The following PDE6D variants were observed in gnomAD, a reference collection of about 807,000 sequenced individuals.
PDE6D encodes retinal rod rhodopsin-sensitive cGMP 3',5'-cyclic phosphodiesterase subunit delta.
PDE6D carries 10 observed loss-of-function variants against 21.9 expected under a neutral mutation model. That is an observed-to-expected ratio of 0.46 (90% CI 0.28 to 0.78). The LOEUF is 0.78. Among genes scored for constraint, PDE6D ranks in the 30% least tolerant of loss-of-function variants. PDE6D has a pLI of 0.12. For synonymous variants in PDE6D, 59 were observed against 63.5 expected (o/e 0.93, Z 0.34); for missense variants, 139 against 184.8 (o/e 0.75, Z 1.44).
intron 1 of PDE6D, among the ~76,000 whole-genome samples, chr2:231,780,685 G>GCGC (rs2049107622): frequency 6.6e-6 from 1 of 151,966 alleles, no homozygotes; most frequent in Admixed American, 6.5e-5. Flanking sequence ...TCAGCCCACC[G>GCGC]CGCCCCCTCA....
chr2:231,732,593 C>A lies in PDE6D; in HGVS notation c.*359G>T. On this transcript the variant is annotated 3_prime_UTR_variant, in exon 5 of 5. Transcript: ENST00000287600. ...ACGGAATTTTTCCAAAACCAGGGGCCAAAGGTAGATGTGTAGCCTGTAGGG... is the reference window on the plus strand; with the variant it reads ...ACGGAATTTTTCCAAAACCAGGGGCAAAAGGTAGATGTGTAGCCTGTAGGG... 1 of 170,846 alleles carries A rather than the reference C, an allele frequency of 5.9e-6. No homozygotes were observed. The highest frequency in any genetic ancestry group is 1.2e-5 in the Non-Finnish European group (1 of 81,144). The allele number at this position is 170,846 out of a possible 1,614,324, so 10.6% of individuals were successfully genotyped here.
In PDE6D at chr2:231,732,958, A is replaced by G. The variant is rs200295638; in HGVS notation, c.447T>C (p.Tyr149=). ...ATGTACACACATTCTTCTTTCAAAC[A>G]TAGAAAAGTCTCACTCTGGATGTGC... is the stretch of plus-strand genomic sequence containing the variant. ...LVSTSRVRLF[Y]V Residue 149 remains tyrosine, a synonymous_variant, in exon 5 of 5, where the codon TAT becomes TAC. Transcript: ENST00000287600. 2 of 1,606,340 alleles carry G rather than the reference A, an allele frequency of 1.2e-6. No homozygotes were observed.
At chr2:231,734,746 C>T (rs571837569) in intron 4 of PDE6D, among the ~76,000 whole-genome samples, 1 of 148,820 alleles carries the variant, frequency 6.7e-6, no homozygotes, top group African/African-American at 2.5e-5. Context: ...ACTCAGGAGG[C>T]TGAGGCAGGA....
intron 1 of PDE6D, among the ~76,000 whole-genome samples, chr2:231,748,079 C>CA (rs2048808968): frequency 6.6e-6 from 1 of 151,982 alleles, no homozygotes; most frequent in Non-Finnish European, 1.5e-5. Flanking sequence ...AAATTGGTAC[C>CA]AGTAGATTGG....
At position 231,781,274 on chromosome 2, in the gene PDE6D, G is replaced by T; in HGVS notation, c.-160C>A. On this transcript the variant is annotated 5_prime_UTR_variant, in exon 1 of 5. Transcript: ENST00000287600. The stretch of plus-strand genomic sequence containing the variant: ...CGGCCTCTCTCTCCCCTCAGCTCCC[G>T]CTTCTGATCCCTTCTCCTTCCCCCT... 1.6e-6 allele frequency: 1 copy of T among 638,264 alleles called. No individual in the cohort carries two copies. The highest frequency in any genetic ancestry group is 2.8e-6 in the Non-Finnish European group (1 of 359,542). The allele number at this position is 638,264 out of a possible 1,614,324, so 39.5% of individuals were successfully genotyped here. A position where few individuals can be genotyped will look rare whatever the true frequency, so the allele number is the denominator to read the frequency against.
rs1178913182 is a variant in PDE6D, at chr2:231,742,286, T to A, written c.51-3098A>T. Among the ~76,000 whole-genome samples, 5 of 152,160 alleles carry A rather than the reference T, an allele frequency of 3.3e-5. No individual in the cohort carries two copies. In the East Asian group the frequency reaches 7.7e-4, roughly 23 times the overall value. ...ACAGGCATGCACCACCATGCCCGGC[T>A]AATTTTTGTATTTTTAACTGGAGAT... On this transcript the variant is annotated intron_variant, in intron 1 of 4. Coordinates refer to ENST00000287600, the MANE Select transcript of PDE6D (RefSeq NM_002601.4).
In PDE6D at chr2:231,739,781, G is replaced by A. The variant is rs1001600585; in HGVS notation, c.51-593C>T. 3.9e-5 allele frequency among the ~76,000 whole-genome samples: 6 copies of A among 151,996 alleles called. No individual in the cohort carries two copies. The highest frequency in any genetic ancestry group is 1.2e-4 in the African/African-American group (5 of 41,370). ...TGAGTAGCTGGAATTATAGGAGCAC[G>A]TCACCAAGCCCAGCTTATTTTTGTA... On this transcript the variant is annotated intron_variant, in intron 1 of 4. Coordinates refer to ENST00000287600, the MANE Select transcript of PDE6D (RefSeq NM_002601.4). This position sits in a 1 kb window ranked among gnomAD's most constrained non-coding sequence, Gnocchi z 4.2.
At chr2:231,779,194 C>G (rs2049081646) in intron 1 of PDE6D, 1 of 152,228 alleles carries the variant, frequency 6.6e-6, no homozygotes, top group Non-Finnish European at 1.5e-5. Flanking sequence ...AGGATTTAAT[C>G]AGCTCAGGTC....
At position 231,750,660 on chromosome 2, in the gene PDE6D, A is replaced by ATTT. The variant is rs561604556; in HGVS notation, c.51-11475_51-11473dup. 7.8e-4 allele frequency among the ~76,000 whole-genome samples: 72 copies of ATTT among 92,084 alleles called. 7 individuals are homozygous for ATTT. The highest frequency in any genetic ancestry group is 3.0e-3 in the African/African-American group (48 of 15,832). The allele number at this position is 92,084 out of a possible 152,430, so 60.4% of individuals were successfully genotyped here. On this transcript the variant is annotated intron_variant, in intron 1 of 4. Transcript: ENST00000287600. ...AGGTGTGTGCCACCATGCTCATCTA[A>ATTT]TTTTTTTTTTTTTTTTTTTTTTTTT...
intron 1 of PDE6D, among the ~76,000 whole-genome samples, chr2:231,774,076 G>T (rs958813800): frequency 7.2e-5 from 11 of 151,976 alleles, no homozygotes; most frequent in African/African-American, 2.4e-4. Context: ...TGGGATTACA[G>T]GTGCACACCA....
intron 1 of PDE6D, among the ~76,000 whole-genome samples, chr2:231,758,544 C>T (rs1040581870): frequency 6.6e-6 from 1 of 152,142 alleles, no homozygotes; most frequent in African/African-American, 2.4e-5. Flanking sequence ...ACTTGGGGAA[C>T]TTCTAAAACT....
At chr2:231,765,000 C>T (rs13017826) in intron 1 of PDE6D, among the ~76,000 whole-genome samples, 3,318 of 152,082 alleles carry the variant, frequency 0.022, 54 homozygotes, top group Middle Eastern at 0.037. Flanking sequence ...GTGGCACATG[C>T]CTGTAATACC....
intron 1 of PDE6D, among the ~76,000 whole-genome samples, chr2:231,752,456 C>T (rs2048847552): frequency 6.6e-6 from 1 of 152,144 alleles, no homozygotes; most frequent in Non-Finnish European, 1.5e-5. Flanking sequence ...AAGTGTAGGA[C>T]ATTATTATGC....
At chr2:231,760,749 GC>G (rs2048918978) in intron 1 of PDE6D, among the ~76,000 whole-genome samples, 1 of 152,142 alleles carries the variant, frequency 6.6e-6, no homozygotes, top group East Asian at 1.9e-4. Context: ...AGATTATGCT[GC>G]TAGTGTATTC....
intron 1 of PDE6D, among the ~76,000 whole-genome samples, chr2:231,756,150 C>G (rs927582657): frequency 6.6e-6 from 1 of 152,128 alleles, no homozygotes; most frequent in African/African-American, 2.4e-5. Context: ...CAAAATTACT[C>G]TCTTCCCCTA....
intron 2 of PDE6D, 149 bp downstream of exon 2, chr2:231,738,951 A>G: frequency 1.9e-6 from 1 of 536,930 alleles, no homozygotes; most frequent in South Asian, 2.4e-5. Flanking sequence ...AAAAGAAAGT[A>G]ACTGAAACTG....
intron 1 of PDE6D, among the ~76,000 whole-genome samples, chr2:231,757,640 G>A (rs2048893606): frequency 6.6e-6 from 1 of 151,974 alleles, no homozygotes; most frequent in African/African-American, 2.4e-5. Flanking sequence ...ATAAAATTAA[G>A]GTAAAAATTC....
At chr2:231,775,619 G>A (rs754502566) in intron 1 of PDE6D, among the ~76,000 whole-genome samples, 17 of 151,590 alleles carry the variant, frequency 1.1e-4, no homozygotes, top group Middle Eastern at 3.4e-3. Context: ...CCCTGCACCC[G>A]GAAGATAGTC....
chr2:231,781,049 G>A lies in PDE6D; in HGVS notation c.50+16C>T. ...TCCCAAGTCCTCCCGGCCCCGCCCC[G>A]CTCCCGGACGGATACAGTTTGAAGC... On this transcript the variant is annotated intron_variant, in intron 1 of 4. Coordinates refer to ENST00000287600, the MANE Select transcript of PDE6D (RefSeq NM_002601.4). 3 of 1,609,584 alleles carry A rather than the reference G, an allele frequency of 1.9e-6. No homozygotes were observed. The highest frequency in any genetic ancestry group is 2.5e-6 in the Non-Finnish European group (3 of 1,176,896).
Sources: allele counts gnomAD v4.1 joint callset (sites outside exome capture counted in the v4.1 genomes callset), GRCh38; gene constraint gnomAD v4.1.1; non-coding constraint Gnocchi (gnomAD v3.1); transcripts MANE v1.5; gene names NCBI Gene and HGNC (gene_info 2026-07-23, HGNC 2026-07-21).